The following PCDHGB3 variants were observed in gnomAD, a reference collection of about 807,000 sequenced individuals.
PCDHGB3 encodes protocadherin gamma-B3.
A neutral mutation model predicts 59.2 loss-of-function variants in PCDHGB3; 40 were observed. The observed-to-expected ratio is 0.68, with a 90% CI of 0.52 to 0.88. The LOEUF is 0.88. Among genes scored for constraint, PCDHGB3 ranks in the 40% least tolerant of loss-of-function variants. The pLI, the probability that PCDHGB3 is intolerant of heterozygous loss-of-function variation, is 0.00. For missense variants in PCDHGB3, 1,309 were observed against 1,187.9 expected (o/e 1.10, Z -1.50); for synonymous variants, 581 against 503.6 (o/e 1.15, Z -2.06).
chr5:141,435,952 G>A lies in PCDHGB3; in HGVS notation c.2416-58855G>A, dbSNP rs944960593. ...TTGCTGCTTCTGAGACCAAAAAAGG[G>A]GGCAAAATATAGAGTGTGTGGTTCT... is the stretch of plus-strand genomic sequence containing the variant. On this transcript the variant is annotated intron_variant, in intron 1 of 3. Transcript: ENST00000576222. Among the ~76,000 whole-genome samples the A allele has an allele frequency of 2.6e-5, 4 of 152,098 alleles. No individual in the cohort carries two copies. The South Asian group carries it at 8.3e-4, about 32-fold the overall frequency.
Position 141,431,135 on chromosome 5 carries a change from A to C in PCDHGB3, c.2415+58326A>C. ...TGGAGTAGAAGTAGAAGTAAGGGAC[A>C]TTAACGACAATGCGCCTTACTTTCG... On this transcript the variant is annotated intron_variant, in intron 1 of 3. Coordinates refer to ENST00000576222, the MANE Select transcript of PCDHGB3 (RefSeq NM_018924.5). The surrounding 1 kb of genome is among the most constrained non-coding windows in gnomAD (Gnocchi z 4.8). 1 of 1,614,266 alleles carries C rather than the reference A, an allele frequency of 6.2e-7. No homozygotes were observed. Among genetic ancestry groups the C allele is most frequent in the Non-Finnish European group, 8.5e-7 (1 of 1,180,042 alleles).
At chr5:141,403,616 C>G (rs2094434764) in intron 1 of PCDHGB3, 11 of 1,613,892 alleles carry the variant, frequency 6.8e-6, no homozygotes, top group Non-Finnish European at 9.3e-6. Flanking sequence ...CGAGCCGCGT[C>G]GCTCCAGCAC....
chr5:141,418,111 A>G (rs763834283), intron 1 of PCDHGB3: 19 of 1,613,940 alleles, frequency 1.2e-5, no homozygotes, highest in Non-Finnish European at 1.5e-5. Context: ...GCGGGGACTT[A>G]CTTGTGAAGG....
chr5:141,488,040 G>A (rs1212272063), intron 1 of PCDHGB3, among the ~76,000 whole-genome samples: 1 of 152,112 alleles, frequency 6.6e-6, no homozygotes, highest in Non-Finnish European at 1.5e-5. Flanking sequence ...CATTTCCCAA[G>A]GGATTGAGGG....
At position 141,485,402 on chromosome 5, in the gene PCDHGB3, G is replaced by T. The variant is rs375700791; in HGVS notation, c.2416-9405G>T. ...AGAGGTGAACCAAAGACACTTCCGTGTGGATTTGGACAGCGGAGCCCTGCT... is the reference window on the plus strand; with the variant it reads ...AGAGGTGAACCAAAGACACTTCCGTTTGGATTTGGACAGCGGAGCCCTGCT... On this transcript the variant is annotated intron_variant, in intron 1 of 3. Coordinates refer to ENST00000576222, the MANE Select transcript of PCDHGB3 (RefSeq NM_018924.5). This position sits in a 1 kb window ranked among gnomAD's most constrained non-coding sequence, Gnocchi z 5.7. The T allele has an allele frequency of 6.2e-7, 1 of 1,614,194 alleles. No homozygotes were observed. Among genetic ancestry groups the T allele is most frequent in the East Asian group, 2.2e-5 (1 of 44,878 alleles).
At chr5:141,383,331 G>A (rs1374498220) in intron 1 of PCDHGB3, 1 of 1,613,874 alleles carries the variant, frequency 6.2e-7, no homozygotes, top group East Asian at 2.2e-5. Flanking sequence ...AAATAATGGA[G>A]AATACAGCTC....
chr5:141,377,871 C>T (rs1490492398), intron 1 of PCDHGB3: 1 of 152,290 alleles, frequency 6.6e-6, no homozygotes, highest in East Asian at 1.9e-4. Flanking sequence ...AAAGACTTCT[C>T]TTATCAGAGA....
Position 141,395,542 on chromosome 5 carries a change from TTGTGTGTGTGTG to T in PCDHGB3, c.2415+22771_2415+22782del, listed in dbSNP as rs55729045. ...TCCATACTGGTAATTTTGCTATTGT[TTGTGTGTGTGTG>T]TGTGTGTGTGTGTGTGTGTGTGTGT... is the stretch of plus-strand genomic sequence containing the variant. On this transcript the variant is annotated intron_variant, in intron 1 of 3. Coordinates refer to ENST00000576222, the MANE Select transcript of PCDHGB3 (RefSeq NM_018924.5). 188 of 172,586 alleles carry T rather than the reference TTGTGTGTGTGTG, an allele frequency of 1.1e-3. 1 individual carries two copies. Among genetic ancestry groups the T allele is most frequent in the African/African-American group, 5.0e-3 (88 of 17,544 alleles). 10.7% of individuals were successfully genotyped at this position (172,586 alleles called of 1,614,324 possible).
chr5:141,467,769 G>A (rs573567102), intron 1 of PCDHGB3, among the ~76,000 whole-genome samples: 9 of 151,590 alleles, frequency 5.9e-5, no homozygotes, highest in East Asian at 3.9e-4. Flanking sequence ...TCAAGTGCCC[G>A]CACCTCAGCC....
Position 141,476,013 on chromosome 5 carries a change from G to A in PCDHGB3, c.2416-18794G>A. ...AAATCAACGGCATCCAGAAAGCCAT[G>A]TCGGACTCGGCGCCCAGCGCCCAAG... On this transcript the variant is annotated intron_variant, in intron 1 of 3. Coordinates refer to ENST00000576222, the MANE Select transcript of PCDHGB3 (RefSeq NM_018924.5). The surrounding 1 kb of genome is among the most constrained non-coding windows in gnomAD (Gnocchi z 7.6). The A allele has an allele frequency of 7.5e-7, 1 of 1,334,720 alleles. No individual in the cohort carries two copies. The highest frequency in any genetic ancestry group is 1.0e-6 in the Non-Finnish European group (1 of 983,502). 82.7% of individuals were successfully genotyped at this position (1,334,720 alleles called of 1,614,324 possible). A position where few individuals can be genotyped will look rare whatever the true frequency, so the allele number is the denominator to read the frequency against.
rs370286425 is a variant in PCDHGB3, at chr5:141,431,234, G to A, written c.2415+58425G>A. On this transcript the variant is annotated intron_variant, in intron 1 of 3. Coordinates refer to ENST00000576222, the MANE Select transcript of PCDHGB3 (RefSeq NM_018924.5). This position sits in a 1 kb window ranked among gnomAD's most constrained non-coding sequence, Gnocchi z 4.8. ...GCGGTTCCCTCTACCCCACGCCTGGGATCCGGATATCGGGAAGAACTCTCT... is the reference window on the plus strand; with the variant it reads ...GCGGTTCCCTCTACCCCACGCCTGGAATCCGGATATCGGGAAGAACTCTCT... 13 of 1,614,052 alleles carry A rather than the reference G, an allele frequency of 8.1e-6. No individual in the cohort carries two copies. The highest frequency in any genetic ancestry group is 2.7e-5 in the African/African-American group (2 of 74,940).
At chr5:141,502,891 C>G (rs2099816930) in intron 2 of PCDHGB3, among the ~76,000 whole-genome samples, 1 of 117,990 alleles carries the variant, frequency 8.5e-6, no homozygotes, top group African/African-American at 3.4e-5. Context: ...GACAGGGAGT[C>G]TAGCTCTGTT....
chr5:141,477,571 C>T lies in PCDHGB3; in HGVS notation c.2416-17236C>T, dbSNP rs1470454976. The T allele has an allele frequency of 8.1e-6, 13 of 1,614,160 alleles. No individual in the cohort carries two copies. Among genetic ancestry groups the T allele is most frequent in the Middle Eastern group, 1.7e-4 (1 of 6,060 alleles). ...TAAACCTAAGTGTCTGGGACCCCGACGCCCCGCAGAATGCTCGGCTTTCTT... is the reference window on the plus strand; with the variant it reads ...TAAACCTAAGTGTCTGGGACCCCGATGCCCCGCAGAATGCTCGGCTTTCTT... On this transcript the variant is annotated intron_variant, in intron 1 of 3. Transcript: ENST00000576222. This position sits in a 1 kb window ranked among gnomAD's most constrained non-coding sequence, Gnocchi z 4.9.
At chr5:141,442,737 G>A (rs1376026431) in intron 1 of PCDHGB3, among the ~76,000 whole-genome samples, 1 of 152,152 alleles carries the variant, frequency 6.6e-6, no homozygotes, top group Non-Finnish European at 1.5e-5. Flanking sequence ...CTGTAGGTAA[G>A]GAGCATGTTT....
In PCDHGB3 at chr5:141,431,889, A is replaced by G; in HGVS notation, c.2415+59080A>G. 1 of 1,614,170 alleles carries G rather than the reference A, an allele frequency of 6.2e-7. No homozygotes were observed. The highest frequency in any genetic ancestry group is 2.2e-5 in the East Asian group (1 of 44,888). On this transcript the variant is annotated intron_variant, in intron 1 of 3. Transcript: ENST00000576222. The surrounding 1 kb of genome is among the most constrained non-coding windows in gnomAD (Gnocchi z 4.8). The stretch of plus-strand genomic sequence containing the variant: ...TTAAATGTAAATGACCAAGATTCTG[A>G]GGAAAACGGACAGGTGATCTGTTTC...
In PCDHGB3 at chr5:141,491,225, T is replaced by G. The variant is rs764111440; in HGVS notation, c.2416-3582T>G. The stretch of plus-strand genomic sequence containing the variant: ...CCTTCACTCTCCTCCACAGCCACAG[T>G]GCTGCTGGTTCTGGAGGATGAGGAC... On this transcript the variant is annotated intron_variant, in intron 1 of 3. Transcript: ENST00000576222. This position sits in a 1 kb window ranked among gnomAD's most constrained non-coding sequence, Gnocchi z 6.9. 6.2e-7 allele frequency: 1 copy of G among 1,614,232 alleles called. No individual in the cohort carries two copies. Among genetic ancestry groups the G allele is most frequent in the Non-Finnish European group, 8.5e-7 (1 of 1,180,028 alleles).
At chr5:141,470,078 G>C (rs542998375) in intron 1 of PCDHGB3, among the ~76,000 whole-genome samples, 21 of 152,182 alleles carry the variant, frequency 1.4e-4, no homozygotes, top group Non-Finnish European at 2.9e-4. Context: ...GTAGTGATCT[G>C]AGATCATGCC....
intron 1 of PCDHGB3, chr5:141,400,694 C>T: frequency 1.3e-6 from 1 of 763,776 alleles, no homozygotes; most frequent in South Asian, 1.9e-5. Context: ...GTTTTTATGT[C>T]GCATAAAAGA....
intron 1 of PCDHGB3, among the ~76,000 whole-genome samples, chr5:141,406,290 G>A (rs2094788974): frequency 6.6e-6 from 1 of 151,998 alleles, no homozygotes; most frequent in Non-Finnish European, 1.5e-5. Flanking sequence ...AAAGCACTGG[G>A]TGAGGTGTGA....
Sources: gnomAD v4.1 joint callset for allele counts (sites outside exome capture counted in the v4.1 genomes callset) on GRCh38, gnomAD v4.1.1 for gene constraint, Gnocchi (gnomAD v3.1) non-coding constraint, MANE v1.5 for transcripts, NCBI Gene and HGNC (gene_info 2026-07-23, HGNC 2026-07-21) for gene names.